Variants in ADAMTSL3 observed in about 807,000 individuals in gnomAD.
The protein encoded by ADAMTSL3 is ADAMTS like 3, also known as ADAMTS-like protein 3.
A neutral mutation model predicts 201.7 loss-of-function variants in ADAMTSL3; 128 were observed. That is an observed-to-expected ratio of 0.63 (90% CI 0.55 to 0.73). The LOEUF (loss-of-function observed/expected upper bound fraction) is 0.73, where lower values mean the gene tolerates loss of function less well. Ranked by LOEUF, ADAMTSL3 falls within the 30% of genes least tolerant of loss-of-function variation. The pLI, the probability that ADAMTSL3 is intolerant of heterozygous loss-of-function variation, is 0.00. For missense variants in ADAMTSL3, 1,990 were observed against 2,119.6 expected (o/e 0.94, Z 1.20); for synonymous variants, 738 against 748.4 (o/e 0.99, Z 0.23).
At chr15:83,862,455 G>T (rs1048794878) in intron 8 of ADAMTSL3, 9 of 152,204 alleles carry the variant, frequency 5.9e-5, no homozygotes, top group African/African-American at 2.2e-4. Context: ...AGAGAGTGGG[G>T]GCCAATATTC....
At position 83,731,664 on chromosome 15, in the gene ADAMTSL3, A is replaced by G. The variant is rs142733646; in HGVS notation, c.189+27156A>G. 3.5e-3 allele frequency among the ~76,000 whole-genome samples: 535 copies of G among 152,150 alleles called. 1 individual carries two copies. Among genetic ancestry groups the G allele is most frequent in the Non-Finnish European group, 5.2e-3 (355 of 67,922 alleles). On this transcript the variant is annotated intron_variant, in intron 3 of 29. Coordinates refer to ENST00000286744, the MANE Select transcript of ADAMTSL3 (RefSeq NM_207517.3). ...AGATATGGCAATAACTTAAGTGTCC[A>G]TTGATAGATGAATGGATAAAGAAAA...
intron 23 of ADAMTSL3, among the ~76,000 whole-genome samples, chr15:83,999,828 T>C (rs1422398008): frequency 6.6e-6 from 1 of 152,224 alleles, no homozygotes; most frequent in Non-Finnish European, 1.5e-5. Context: ...AAGAATTTTA[T>C]TGATGTCTAG....
intron 5 of ADAMTSL3, among the ~76,000 whole-genome samples, chr15:83,808,619 T>C (rs1467394966): frequency 1.3e-5 from 2 of 152,298 alleles, no homozygotes; most frequent in East Asian, 3.9e-4. Flanking sequence ...AGCAATCCCA[T>C]TACTGATTAT....
chr15:83,968,599 T>C (rs950275351), intron 19 of ADAMTSL3, among the ~76,000 whole-genome samples: 2 of 152,218 alleles, frequency 1.3e-5, no homozygotes, highest in Non-Finnish European at 2.9e-5. Flanking sequence ...TGGAAGTCAG[T>C]GTGGCAATTC....
At chr15:83,757,108 G>A (rs545401415) in intron 3 of ADAMTSL3, among the ~76,000 whole-genome samples, 1 of 152,208 alleles carries the variant, frequency 6.6e-6, no homozygotes. Flanking sequence ...CCATTCTGGG[G>A]TCTGGAAGAA....
chr15:83,885,314 G>A (rs1043166940), intron 10 of ADAMTSL3, 102 bp downstream of exon 10: 1 of 881,228 alleles, frequency 1.1e-6, no homozygotes, highest in African/African-American at 1.7e-5. Context: ...GGTGATTAGA[G>A]ATGTCTCATC....
At chr15:84,015,258 A>G (rs1467673292) in intron 24 of ADAMTSL3, among the ~76,000 whole-genome samples, 2 of 152,172 alleles carry the variant, frequency 1.3e-5, no homozygotes, top group Non-Finnish European at 2.9e-5. Flanking sequence ...GTTAGTGTTA[A>G]GTAATGGTTT....
At chr15:83,725,064 A>G (rs1442116051) in intron 3 of ADAMTSL3, among the ~76,000 whole-genome samples, 7 of 151,486 alleles carry the variant, frequency 4.6e-5, no homozygotes, top group African/African-American at 1.5e-4. Context: ...TCTTTTGGGT[A>G]TATACCTAGG....
chr15:83,801,685 T>A lies in ADAMTSL3; in HGVS notation c.318-2965T>A, dbSNP rs1176659286. 4.5e-5 allele frequency among the ~76,000 whole-genome samples: 4 copies of A among 88,086 alleles called. 1 individual carries two copies. The highest frequency in any genetic ancestry group is 3.7e-4 in the South Asian group (1 of 2,684). The allele number at this position is 88,086 out of a possible 152,430, so 57.8% of individuals were successfully genotyped here. Reference sequence around the variant, plus strand: ...ATATATATATATATATATATATATATATATATATATGTATGTATGAGGAAA... The same window carrying A: ...ATATATATATATATATATATATATAAATATATATATGTATGTATGAGGAAA... On this transcript the variant is annotated intron_variant, in intron 4 of 29. Coordinates refer to ENST00000286744, the MANE Select transcript of ADAMTSL3 (RefSeq NM_207517.3).
intron 7 of ADAMTSL3, among the ~76,000 whole-genome samples, chr15:83,844,485 G>A (rs1349282734): frequency 2.6e-5 from 4 of 152,176 alleles, no homozygotes; most frequent in African/African-American, 2.4e-5. Context: ...TCATTCTCCT[G>A]TCTTCCCACA....
intron 16 of ADAMTSL3, among the ~76,000 whole-genome samples, chr15:83,914,384 C>T (rs1490216243): frequency 6.6e-6 from 1 of 152,226 alleles, no homozygotes; most frequent in Non-Finnish European, 1.5e-5. Context: ...ATTCTCAATC[C>T]TTATCATTCA....
At chr15:83,763,496 A>C (rs2062841029) in intron 3 of ADAMTSL3, among the ~76,000 whole-genome samples, 1 of 150,992 alleles carries the variant, frequency 6.6e-6, no homozygotes. Context: ...TTAAACCTTA[A>C]CAAATAATTC....
chr15:83,960,152 T>C (rs922588593), intron 19 of ADAMTSL3, among the ~76,000 whole-genome samples: 2 of 152,158 alleles, frequency 1.3e-5, no homozygotes, highest in African/African-American at 4.8e-5. Flanking sequence ...TTGTCTATAC[T>C]GAAAAATAAT....
At chr15:83,903,177 T>G (rs1332514686) in intron 15 of ADAMTSL3, among the ~76,000 whole-genome samples, 1 of 151,850 alleles carries the variant, frequency 6.6e-6, no homozygotes, top group Non-Finnish European at 1.5e-5. Context: ...CAGGCCCCAC[T>G]GAGTCAGATA....
At chr15:84,013,006 G>A (rs2068031525) in intron 23 of ADAMTSL3, among the ~76,000 whole-genome samples, 1 of 152,142 alleles carries the variant, frequency 6.6e-6, no homozygotes, top group African/African-American at 2.4e-5. Flanking sequence ...CTCCCCCTAT[G>A]CATTTCCACC....
At chr15:83,897,190 G>A (rs755586410) in intron 13 of ADAMTSL3, among the ~76,000 whole-genome samples, 2 of 152,032 alleles carry the variant, frequency 1.3e-5, no homozygotes, top group Non-Finnish European at 2.9e-5. Flanking sequence ...ATAGGCAAGA[G>A]TAACTTTCAA....
intron 2 of ADAMTSL3, 152 bp downstream of exon 2, chr15:83,655,982 C>G (rs530659689): frequency 2.3e-6 from 2 of 869,266 alleles, no homozygotes; most frequent in South Asian, 3.3e-5. Context: ...AATGGTATTT[C>G]TGGTTGGCTT....
At chr15:83,979,608 T>C (rs2141800240) in intron 20 of ADAMTSL3, among the ~76,000 whole-genome samples, 1 of 152,342 alleles carries the variant, frequency 6.6e-6, no homozygotes, top group South Asian at 2.1e-4. Flanking sequence ...ACAGCCATCT[T>C]GAAAAAGGCA....
chr15:83,864,190 A>C (rs963806632), intron 8 of ADAMTSL3, among the ~76,000 whole-genome samples: 3 of 152,254 alleles, frequency 2.0e-5, no homozygotes, highest in South Asian at 4.1e-4. Context: ...AAGTACAAGG[A>C]GGAGCTGGTA....
Sources: allele counts gnomAD v4.1 joint callset (sites outside exome capture counted in the v4.1 genomes callset), GRCh38; gene constraint gnomAD v4.1.1; transcripts MANE v1.5; gene names NCBI Gene and HGNC (gene_info 2026-07-23, HGNC 2026-07-21).